Variants in CCDC18 observed in about 807,000 individuals in gnomAD.
CCDC18 encodes coiled-coil domain containing 18, also known as coiled-coil domain-containing protein 18.
Under a neutral mutation model 196.0 loss-of-function variants are expected in CCDC18, and 157 were observed. The ratio of observed to expected loss-of-function variants is 0.80; its 90% CI spans 0.70 to 0.91. The LOEUF (loss-of-function observed/expected upper bound fraction) is 0.91. Among genes scored for constraint, CCDC18 ranks in the 40% least tolerant of loss-of-function variants. The pLI, the probability that CCDC18 is intolerant of heterozygous loss-of-function variation, is 0.00. For missense variants in CCDC18, 1,465 were observed against 1,611.6 expected, an observed-to-expected ratio of 0.91 and a Z score of 1.56; for synonymous variants, 482 against 529.2, an observed-to-expected ratio of 0.91 and a Z score of 1.22.
At chr1:93,202,019 T>C in intron 7 of CCDC18, 31 bp downstream of exon 7, 2 of 1,269,574 alleles carry the variant, frequency 1.6e-6, no homozygotes, top group East Asian at 2.3e-5. Flanking sequence ...TTCAGTGTTT[T>C]GTATTACTGT....
intron 23 of CCDC18, among the ~76,000 whole-genome samples, chr1:93,248,009 C>CTTTT (rs71586785): frequency 0.013 from 881 of 69,794 alleles, 1 homozygote; most frequent in Middle Eastern, 0.022. Flanking sequence ...TATTTTCCTT[C>CTTTT]TTTTTTTTTT....
At chr1:93,180,670 C>G (rs1342851809), upstream of CCDC18, 2 of 1,332,942 alleles carry the variant, frequency 1.5e-6, no homozygotes, top group Middle Eastern at 2.2e-4. Context: ...CTCACGCAGT[C>G]TGCGCCGGGG....
chr1:93,180,221 G>A (rs1649288193), upstream of CCDC18: 2 of 1,612,032 alleles, frequency 1.2e-6, no homozygotes, highest in Non-Finnish European at 1.7e-6. Context: ...ACGGGGAAGG[G>A]CAGCCAGATC....
chr1:93,206,114 C>G (rs952177683), intron 8 of CCDC18, among the ~76,000 whole-genome samples: 1 of 102,056 alleles, frequency 9.8e-6, no homozygotes, highest in Non-Finnish European at 2.6e-5. Context: ...GTTGTCCTCT[C>G]AAAACTAACA....
At chr1:93,203,804 C>G (rs1204376273) in intron 7 of CCDC18, among the ~76,000 whole-genome samples, 1 of 151,430 alleles carries the variant, frequency 6.6e-6, no homozygotes, top group Non-Finnish European at 1.5e-5. Context: ...GCACTCAGGC[C>G]TGAGTGAAAG....
chr1:93,180,836 A>G lies in CCDC18; in HGVS notation c.-19A>G. ...GCTTCCTAACGCAGACTCGAGTGCG[A>G]AGCGCGCAGTCGCCGGGTGGGTCTC... On this transcript the variant is annotated 5_prime_UTR_variant, in exon 1 of 29. Transcript: ENST00000690025. 7.3e-7 allele frequency: 1 copy of G among 1,367,652 alleles called. No individual in the cohort carries two copies. Among genetic ancestry groups the G allele is most frequent in the Non-Finnish European group, 9.8e-7 (1 of 1,021,980 alleles). 84.7% of individuals were successfully genotyped at this position (1,367,652 alleles called of 1,614,324 possible).
chr1:93,193,597 A>G lies in CCDC18; in HGVS notation c.570-19A>G. ...TAATCTCTTTAGTAGTCTTAAACAA[A>G]GTATCCTTTATTTTATAGAGAGGCA... On this transcript the variant is annotated intron_variant, in intron 5 of 28. Transcript: ENST00000690025. 6.5e-7 allele frequency: 1 copy of G among 1,537,744 alleles called. No individual in the cohort carries two copies. The highest frequency in any genetic ancestry group is 8.8e-7 in the Non-Finnish European group (1 of 1,139,878).
intron 28 of CCDC18, chr1:93,271,115 T>C (rs1665223334): frequency 5.1e-6 from 5 of 983,358 alleles, no homozygotes; most frequent in Non-Finnish European, 6.0e-6. Context: ...AAAAGAAAAA[T>C]GGTAAGAAAT....
intron 16 of CCDC18, 70 bp downstream of exon 16, chr1:93,222,006 T>C: frequency 9.2e-7 from 1 of 1,088,494 alleles, no homozygotes; most frequent in Non-Finnish European, 1.3e-6. Flanking sequence ...ATCTCTCTCA[T>C]TTGCCTAGGC....
At chr1:93,225,394 A>G (rs1446008027) in intron 16 of CCDC18, among the ~76,000 whole-genome samples, 1 of 152,220 alleles carries the variant, frequency 6.6e-6, no homozygotes, top group Non-Finnish European at 1.5e-5. Context: ...CTTTCTGAAA[A>G]TATTTTCACT....
rs762256787 is a variant in CCDC18 at position 93,212,218 on chromosome 1, T to C, written c.1452T>C (p.Ser484=). ...ACAGCCAAGAAAGTAGCAAATTAAG[T>C]AGTTTAGAAACAGAACCTGTAAAGC... ...CNDSQESSKL[S]SLETEPVKLG... The change falls in exon 11 of 29, where the codon AGT becomes AGC. Residue 484 remains serine, a synonymous_variant. Coordinates refer to ENST00000690025, the MANE Select transcript of CCDC18 (RefSeq NM_001378204.1). 38 of 1,608,722 alleles carry C rather than the reference T, an allele frequency of 2.4e-5. No individual in the cohort carries two copies. The highest frequency in any genetic ancestry group is 3.1e-5 in the Non-Finnish European group (37 of 1,178,126).
At chr1:93,180,063 G>C (rs202135933), upstream of CCDC18, 85 of 1,612,844 alleles carry the variant, frequency 5.3e-5, no homozygotes, top group Non-Finnish European at 7.0e-5. Context: ...CTTGGTACTC[G>C]ATCTCCAGCG....
At chr1:93,272,882 CAGA>C (rs1665399759) in intron 28 of CCDC18, among the ~76,000 whole-genome samples, 1 of 151,948 alleles carries the variant, frequency 6.6e-6, no homozygotes, top group African/African-American at 2.4e-5. Flanking sequence ...CAAGACAGAG[CAGA>C]AGGAGTAAAA....
chr1:93,212,402 G>T, intron 11 of CCDC18, 141 bp downstream of exon 11: 1 of 484,398 alleles, frequency 2.1e-6, no homozygotes, highest in Non-Finnish European at 3.5e-6. Context: ...GTAAGCTTGT[G>T]TCATGGAGGT....
At position 93,207,271 on chromosome 1, in the gene CCDC18, T is replaced by C. The variant is rs1654857263; in HGVS notation, c.1082T>C (p.Met361Thr). Residue 361 changes from methionine to threonine, a missense_variant, in exon 9 of 29, where the codon ATG becomes ACG. Transcript: ENST00000690025. ...DEILRDKFSL[M>T]NENRELKVRV... ...ATACTTAGAGACAAATTTTCTTTAA[T>C]GAATGAAAACCGAGAATTAAAGGTC... The C allele has an allele frequency of 6.2e-7, 1 of 1,613,598 alleles. No homozygotes were observed. The highest frequency in any genetic ancestry group is 1.1e-5 in the South Asian group (1 of 91,064).
intron 15 of CCDC18, 37 bp from the exon 16 acceptor site, chr1:93,221,822 C>A (rs774355189): frequency 1.3e-6 from 2 of 1,580,136 alleles, no homozygotes. Flanking sequence ...TAAATCTAAT[C>A]AAATCTGCAT....
intron 25 of CCDC18, among the ~76,000 whole-genome samples, chr1:93,257,307 A>G (rs1663146061): frequency 6.6e-6 from 1 of 150,972 alleles, no homozygotes; most frequent in South Asian, 2.1e-4. Flanking sequence ...AACTTTTAGG[A>G]AACCTGTAGT....
At chr1:93,213,189 G>A (rs1655945193) in intron 11 of CCDC18, among the ~76,000 whole-genome samples, 1 of 152,000 alleles carries the variant, frequency 6.6e-6, no homozygotes, top group Non-Finnish European at 1.5e-5. Context: ...ATGTGGCCCA[G>A]TTCCTAATGG....
At chr1:93,228,179 G>A (rs983836609) in intron 17 of CCDC18, among the ~76,000 whole-genome samples, 18 of 151,906 alleles carry the variant, frequency 1.2e-4, no homozygotes, top group Non-Finnish European at 2.1e-4. Context: ...GCAGGGACCC[G>A]CTACCATTGT....
Sources: allele counts gnomAD v4.1 joint callset (sites outside exome capture counted in the v4.1 genomes callset), GRCh38; gene constraint gnomAD v4.1.1; transcripts MANE v1.5; gene names NCBI Gene and HGNC (gene_info 2026-07-23, HGNC 2026-07-21).